Variants in OSBPL3 observed in about 807,000 individuals in gnomAD.
OSBPL3 encodes the protein oxysterol binding protein like 3.
A neutral mutation model predicts 120.1 loss-of-function variants in OSBPL3; 65 were observed. The ratio of observed to expected loss-of-function variants is 0.54; its 90% CI spans 0.44 to 0.67. OSBPL3 has a LOEUF of 0.67. Among genes scored for constraint, OSBPL3 ranks in the 30% least tolerant of loss-of-function variants. The pLI is 0.00. For missense variants in OSBPL3, 1,004 were observed against 1,082.1 expected (o/e 0.93, Z 1.01); for synonymous variants, 416 against 402.6 (o/e 1.03, Z -0.40).
At chr7:24,859,731 C>T (rs951889339) in intron 10 of OSBPL3, among the ~76,000 whole-genome samples, 1 of 152,110 alleles carries the variant, frequency 6.6e-6, no homozygotes, top group African/African-American at 2.4e-5. Flanking sequence ...CATAATGATA[C>T]CTACTTCGCA....
In OSBPL3 at chr7:24,831,673, G is replaced by A. The variant is rs1438096042; in HGVS notation, c.1747-768C>T. On this transcript the variant is annotated intron_variant, in intron 15 of 22. Transcript: ENST00000313367. The surrounding 1 kb of genome is among the most constrained non-coding windows in gnomAD (Gnocchi z 4.0). Reference sequence around the variant, plus strand: ...CTTCCATGTATGTAACAACAGTTAAGCCTAAGCAGGGATGTCCAATTTTCC... The same window carrying A: ...CTTCCATGTATGTAACAACAGTTAAACCTAAGCAGGGATGTCCAATTTTCC... 2.0e-5 allele frequency among the ~76,000 whole-genome samples: 3 copies of A among 152,210 alleles called. No homozygotes were observed. The highest frequency in any genetic ancestry group is 4.4e-5 in the Non-Finnish European group (3 of 68,030).
At chr7:24,962,783 C>T (rs1348637062) in intron 1 of OSBPL3, among the ~76,000 whole-genome samples, 1 of 152,126 alleles carries the variant, frequency 6.6e-6, no homozygotes, top group African/African-American at 2.4e-5. Context: ...TACTTTTGGA[C>T]GTTTTAGCAA....
intron 1 of OSBPL3, chr7:24,906,403 GAGT>G (rs1434748358): frequency 1.6e-5 from 4 of 257,224 alleles, no homozygotes; most frequent in Non-Finnish European, 3.2e-5. Flanking sequence ...GCAGAGAATG[GAGT>G]AGGAGGAACC....
chr7:24,891,889 A>G lies in OSBPL3; in HGVS notation c.96+488T>C, dbSNP rs1805406255. The stretch of plus-strand genomic sequence containing the variant: ...GCTACTAACAGGGCAATCTGTGGTT[A>G]CAAGCTGCCATAAAAGGTTTGATGA... On this transcript the variant is annotated intron_variant, in intron 2 of 22. Coordinates refer to ENST00000313367, the MANE Select transcript of OSBPL3 (RefSeq NM_015550.4). The surrounding 1 kb of genome is among the most constrained non-coding windows in gnomAD (Gnocchi z 4.1). 6.6e-6 allele frequency among the ~76,000 whole-genome samples: 1 copy of G among 152,240 alleles called. No individual in the cohort carries two copies. Among genetic ancestry groups the G allele is most frequent in the Admixed American group, 6.5e-5 (1 of 15,288 alleles).
intron 1 of OSBPL3, among the ~76,000 whole-genome samples, chr7:24,943,710 G>A (rs1025438852): frequency 6.6e-6 from 1 of 152,142 alleles, no homozygotes; most frequent in Non-Finnish European, 1.5e-5. Context: ...TACTAAAATG[G>A]AAATGTGACT....
At position 24,824,843 on chromosome 7, in the gene OSBPL3, T is replaced by C. The variant is rs1795511256; in HGVS notation, c.1885-4605A>G. On this transcript the variant is annotated intron_variant, in intron 16 of 22. Transcript: ENST00000313367. The surrounding 1 kb of genome is among the most constrained non-coding windows in gnomAD (Gnocchi z 4.9). ...GGGTGGTGGGGCAGGACTCTAATAATGGAAACCTGTGGGGCTGAGAGAAGT... is the reference window on the plus strand; with the variant it reads ...GGGTGGTGGGGCAGGACTCTAATAACGGAAACCTGTGGGGCTGAGAGAAGT... 6.6e-6 allele frequency among the ~76,000 whole-genome samples: 1 copy of C among 152,106 alleles called. No homozygotes were observed. The highest frequency in any genetic ancestry group is 1.5e-5 in the Non-Finnish European group (1 of 68,028).
chr7:24,966,379 G>A lies in OSBPL3; in HGVS notation c.-150+13507C>T, dbSNP rs1364993915. On this transcript the variant is annotated intron_variant, in intron 1 of 22. Coordinates refer to ENST00000313367, the MANE Select transcript of OSBPL3 (RefSeq NM_015550.4). This position sits in a 1 kb window ranked among gnomAD's most constrained non-coding sequence, Gnocchi z 4.8. ...ATCTACACCTAGCTACACACACCCAGGAAAATAAGACCTCTGGATGCCACA... is the reference window on the plus strand; with the variant it reads ...ATCTACACCTAGCTACACACACCCAAGAAAATAAGACCTCTGGATGCCACA... Among the ~76,000 whole-genome samples the A allele has an allele frequency of 6.6e-6, 1 of 152,150 alleles. No homozygotes were observed. The highest frequency in any genetic ancestry group is 2.4e-5 in the African/African-American group (1 of 41,420).
rs1028824201 is a variant in OSBPL3, at chr7:24,805,326, T to C, written c.2445-889A>G. Among the ~76,000 whole-genome samples the C allele has an allele frequency of 1.2e-4, 18 of 152,236 alleles. 1 individual carries two copies. The highest frequency in any genetic ancestry group is 1.2e-3 in the Admixed American group (18 of 15,286). ...TTTTAAATTTGCATTTTTCTTATTA[T>C]GATTAAGGCTGAGCATCTTTTCACA... is the stretch of plus-strand genomic sequence containing the variant. On this transcript the variant is annotated intron_variant, in intron 21 of 22. Coordinates refer to ENST00000313367, the MANE Select transcript of OSBPL3 (RefSeq NM_015550.4). The surrounding 1 kb of genome is among the most constrained non-coding windows in gnomAD (Gnocchi z 4.0).
rs1266183124 is a variant in OSBPL3, at chr7:24,855,430, A to G, written c.1028-2796T>C. Among the ~76,000 whole-genome samples the G allele has an allele frequency of 1.3e-5, 2 of 152,240 alleles. No homozygotes were observed. The highest frequency in any genetic ancestry group is 4.8e-5 in the African/African-American group (2 of 41,464). ...ATATACAATATTTGGTTCAAAATGT[A>G]CAGCTGACAAGATTGCAATAGGTGT... On this transcript the variant is annotated intron_variant, in intron 10 of 22. Coordinates refer to ENST00000313367, the MANE Select transcript of OSBPL3 (RefSeq NM_015550.4). This position sits in a 1 kb window ranked among gnomAD's most constrained non-coding sequence, Gnocchi z 4.3.
chr7:24,849,448 A>G lies in OSBPL3; in HGVS notation c.1159-272T>C, dbSNP rs1156776630. 1 of 244,534 alleles carries G rather than the reference A, an allele frequency of 4.1e-6. No homozygotes were observed. Among genetic ancestry groups the G allele is most frequent in the East Asian group, 1.1e-4 (1 of 9,442 alleles). 15.1% of individuals were successfully genotyped at this position (244,534 alleles called of 1,614,324 possible). Reference sequence around the variant, plus strand: ...GGGAGGGTTGGTAAGTGCAACAGAGAGGGAAGTCACAGACACTGTCGGCTT... The same window carrying G: ...GGGAGGGTTGGTAAGTGCAACAGAGGGGGAAGTCACAGACACTGTCGGCTT... On this transcript the variant is annotated intron_variant, in intron 11 of 22. Coordinates refer to ENST00000313367, the MANE Select transcript of OSBPL3 (RefSeq NM_015550.4). This position sits in a 1 kb window ranked among gnomAD's most constrained non-coding sequence, Gnocchi z 5.4.
rs142849297 is a variant in OSBPL3 at position 24,924,493 on chromosome 7, G to A, written c.-149-31872C>T. Among the ~76,000 whole-genome samples the A allele has an allele frequency of 8.7e-4, 132 of 152,242 alleles. No homozygotes were observed. The Middle Eastern group carries it at 0.01, about 12-fold the overall frequency. On this transcript the variant is annotated intron_variant, in intron 1 of 22. Coordinates refer to ENST00000313367, the MANE Select transcript of OSBPL3 (RefSeq NM_015550.4). ...TTCCTATTGCTATGATACCCAGTAC[G>A]GATTCCTACACAGAACTGGTTCTAA... is the stretch of plus-strand genomic sequence containing the variant.
intron 1 of OSBPL3, among the ~76,000 whole-genome samples, chr7:24,948,828 CA>C (rs1489853105): frequency 6.6e-6 from 1 of 152,148 alleles, no homozygotes; most frequent in African/African-American, 2.4e-5. Flanking sequence ...GGTGTGGATA[CA>C]AAGTATATGG....
chr7:24,973,718 C>A (rs1817271805), intron 1 of OSBPL3, among the ~76,000 whole-genome samples: 1 of 152,156 alleles, frequency 6.6e-6, no homozygotes, highest in Non-Finnish European at 1.5e-5. Flanking sequence ...AAGGCTACAG[C>A]CTGCCTGCAC....
At chr7:24,917,992 T>C (rs1809921792) in intron 1 of OSBPL3, 3 of 701,992 alleles carry the variant, frequency 4.3e-6, no homozygotes, top group Admixed American at 1.3e-4. Flanking sequence ...GACGATCCTG[T>C]CTAGCTTTCA....
rs1349999954 is a variant in OSBPL3, at chr7:24,862,646, G to A, written c.870+554C>T. On this transcript the variant is annotated intron_variant, in intron 9 of 22. Coordinates refer to ENST00000313367, the MANE Select transcript of OSBPL3 (RefSeq NM_015550.4). This position sits in a 1 kb window ranked among gnomAD's most constrained non-coding sequence, Gnocchi z 4.4. ...GCAATTAATATGCAACAGTTAAGCT[G>A]CAAATCTTGGCCTGTGGCTTAGCTG... Among the ~76,000 whole-genome samples, 1 of 152,166 alleles carries A rather than the reference G, an allele frequency of 6.6e-6. No individual in the cohort carries two copies. The highest frequency in any genetic ancestry group is 2.4e-5 in the African/African-American group (1 of 41,428).
intron 2 of OSBPL3, among the ~76,000 whole-genome samples, chr7:24,875,822 A>C (rs899375613): frequency 3.3e-5 from 5 of 151,836 alleles, no homozygotes; most frequent in Non-Finnish European, 7.4e-5. Flanking sequence ...ATTTTGGAGG[A>C]GAGTAAAGCA....
chr7:24,917,689 T>C (rs992301261), intron 1 of OSBPL3, among the ~76,000 whole-genome samples: 4 of 152,000 alleles, frequency 2.6e-5, no homozygotes, highest in African/African-American at 9.7e-5. Flanking sequence ...ACCATAACTA[T>C]GCAAAATATG....
intron 1 of OSBPL3, among the ~76,000 whole-genome samples, chr7:24,969,263 T>C (rs1816742106): frequency 6.6e-6 from 1 of 152,264 alleles, no homozygotes; most frequent in Non-Finnish European, 1.5e-5. Context: ...AGTTTTCATA[T>C]GTTTATGAGT....
At chr7:24,869,302 A>G (rs1420119428) in intron 5 of OSBPL3, among the ~76,000 whole-genome samples, 1 of 152,244 alleles carries the variant, frequency 6.6e-6, no homozygotes, top group Non-Finnish European at 1.5e-5. Flanking sequence ...ATAAGAACCT[A>G]TTAATTCCTG....
Sources: gnomAD v4.1 joint callset for allele counts (sites outside exome capture counted in the v4.1 genomes callset) on GRCh38, gnomAD v4.1.1 for gene constraint, Gnocchi (gnomAD v3.1) non-coding constraint, MANE v1.5 for transcripts, NCBI Gene and HGNC (gene_info 2026-07-23, HGNC 2026-07-21) for gene names.